Variants in INSL6 observed in about 807,000 individuals in gnomAD.
INSL6 encodes insulin like 6, also known as insulin-like peptide INSL6.
A neutral mutation model predicts 9.4 loss-of-function variants in INSL6; 16 were observed. The observed-to-expected ratio is 1.70, with a 90% CI of 1.15 to 2.59. INSL6 has a LOEUF of 2.59. INSL6 is among the 30% of genes most tolerant of loss of function. The pLI is 0.00. For synonymous variants in INSL6, 154 were observed against 96.9 expected (o/e 1.59, Z -3.46); for missense variants, 391 against 257.3 (o/e 1.52, Z -3.56).
chr9:5,135,978 C>A (rs568175348), intron 2 of INSL6, among the ~76,000 whole-genome samples: 1 of 152,026 alleles, frequency 6.6e-6, no homozygotes. Flanking sequence ...AAACTACCAT[C>A]GGGAATACTA....
At chr9:5,078,189 A>C in the INSL6 span, 2 of 808,490 alleles carry the variant, frequency 2.5e-6, no homozygotes, top group Admixed American at 2.7e-5. Flanking sequence ...CATGCCTCCA[A>C]ATTATTATAC....
chr9:5,110,864 G>A, the INSL6 span: 5 of 495,264 alleles, frequency 1.0e-5, no homozygotes, highest in Admixed American at 2.4e-5. Flanking sequence ...TCATGCCGCC[G>A]CGCCCAGCAG....
downstream of INSL6, among the ~76,000 whole-genome samples, chr9:5,160,359 C>T (rs558742815): frequency 8.4e-4 from 128 of 151,974 alleles, 1 homozygote; most frequent in African/African-American, 2.6e-3. Context: ...CAGTGGTCAA[C>T]GAAGAGATTA....
intron 2 of INSL6, among the ~76,000 whole-genome samples, chr9:5,144,885 A>C (rs1471985539): frequency 1.3e-5 from 2 of 152,150 alleles, no homozygotes; most frequent in African/African-American, 2.4e-5. Flanking sequence ...GGGTCTCTTG[A>C]AGATAGCATA....
chr9:5,053,739 G>A, the INSL6 span, among the ~76,000 whole-genome samples: 83 of 151,952 alleles, frequency 5.5e-4, 2 homozygotes, highest in East Asian at 0.011. Context: ...CATTTTATAC[G>A]GGACGGACAT....
At chr9:5,003,876 C>T in the INSL6 span, among the ~76,000 whole-genome samples, 7 of 151,690 alleles carry the variant, frequency 4.6e-5, no homozygotes, top group Non-Finnish European at 8.8e-5. Context: ...GCTTTTATTC[C>T]TAGTTTGAGA....
Position 5,143,541 on chromosome 9 carries a change from T to G in INSL6, c.377-9949A>C, listed in dbSNP as rs374676491. 1.2e-4 allele frequency among the ~76,000 whole-genome samples: 18 copies of G among 152,266 alleles called. No homozygotes were observed. The East Asian group carries it at 1.7e-3, about 15-fold the overall frequency. On this transcript the variant is annotated intron_variant, in intron 2 of 3. Coordinates refer to the INSL6 transcript ENST00000649639. ...GTGGGGTCAGTGGTAATAACCCCCC[T>G]GTCATTTCTGATAGTGCATATTTGA... is the stretch of plus-strand genomic sequence containing the variant.
At chr9:5,162,796 A>G (rs1321733625), downstream of INSL6, among the ~76,000 whole-genome samples, 4 of 152,244 alleles carry the variant, frequency 2.6e-5, no homozygotes, top group Non-Finnish European at 4.4e-5. Context: ...ACAAAGCCAA[A>G]TAGAAATAAA....
At chr9:5,007,720 A>G in the INSL6 span, among the ~76,000 whole-genome samples, 1 of 148,160 alleles carries the variant, frequency 6.7e-6, no homozygotes, top group African/African-American at 2.6e-5. Context: ...TTATTATTAT[A>G]TTGTCTTTTT....
chr9:5,013,329 A>G, the INSL6 span, among the ~76,000 whole-genome samples: 1 of 152,374 alleles, frequency 6.6e-6, no homozygotes, highest in East Asian at 1.9e-4. Context: ...TAGGAAAAAC[A>G]TAGTATATCT....
chr9:5,157,689 T>G (rs1214751368), intron 2 of INSL6, among the ~76,000 whole-genome samples: 1 of 152,164 alleles, frequency 6.6e-6, no homozygotes, highest in Admixed American at 6.5e-5. Context: ...ACACCCAAGT[T>G]CCTTCAAATA....
chr9:5,172,060 G>A (rs1289657774), intron 1 of INSL6, among the ~76,000 whole-genome samples: 3 of 152,106 alleles, frequency 2.0e-5, no homozygotes, highest in Non-Finnish European at 2.9e-5. Context: ...GCTGAAGGGA[G>A]GCATCACACT....
chr9:5,062,955 T>C, the INSL6 span, among the ~76,000 whole-genome samples: 1 of 152,194 alleles, frequency 6.6e-6, no homozygotes, highest in African/African-American at 2.4e-5. Flanking sequence ...CAATGTATGT[T>C]AGGTATATTC....
the INSL6 span, among the ~76,000 whole-genome samples, chr9:5,009,224 G>T: frequency 2.6e-5 from 4 of 152,184 alleles, no homozygotes; most frequent in African/African-American, 9.7e-5. Context: ...ACACCTGTGG[G>T]AAAGGAGAGA....
the INSL6 span, among the ~76,000 whole-genome samples, chr9:5,029,334 C>T: frequency 3.3e-5 from 5 of 152,230 alleles, no homozygotes; most frequent in East Asian, 1.9e-4. Context: ...CGGTTCATAG[C>T]GGCCCCAAAT....
At chr9:5,007,218 C>T in the INSL6 span, among the ~76,000 whole-genome samples, 1 of 152,030 alleles carries the variant, frequency 6.6e-6, no homozygotes, top group Non-Finnish European at 1.5e-5. Flanking sequence ...TTCAGCCTTT[C>T]TTCTCGTCTT....
At chr9:5,117,316 C>T in the INSL6 span, among the ~76,000 whole-genome samples, 1 of 152,128 alleles carries the variant, frequency 6.6e-6, no homozygotes, top group Non-Finnish European at 1.5e-5. Context: ...GTAGACAGTG[C>T]GTAAGGTGGG....
the INSL6 span, among the ~76,000 whole-genome samples, chr9:5,066,333 C>A: frequency 6.6e-6 from 1 of 151,992 alleles, no homozygotes; most frequent in African/African-American, 2.4e-5. Flanking sequence ...GATATATAAT[C>A]TTTATAGTTA....
intron 2 of INSL6, among the ~76,000 whole-genome samples, chr9:5,153,582 C>A (rs888967156): frequency 1.3e-5 from 2 of 152,182 alleles, no homozygotes; most frequent in Admixed American, 1.3e-4. Flanking sequence ...AAAACCCCAT[C>A]GTCTCAGCCC....
Sources: allele counts gnomAD v4.1 joint callset (sites outside exome capture counted in the v4.1 genomes callset), GRCh38; gene constraint gnomAD v4.1.1; transcripts MANE v1.5; gene names NCBI Gene and HGNC (gene_info 2026-07-23, HGNC 2026-07-21).